Variants in DAB1 observed in about 807,000 individuals in gnomAD.
DAB1 encodes DAB adaptor protein 1.
DAB1 carries 15 observed loss-of-function variants against 64.6 expected under a neutral mutation model. The ratio of observed to expected loss-of-function variants is 0.23; its 90% CI spans 0.16 to 0.36. DAB1 has a LOEUF of 0.36. Among genes scored for constraint, DAB1 ranks in the 10% least tolerant of loss-of-function variants. The pLI, the probability that DAB1 is intolerant of heterozygous loss-of-function variation, is 1.00. For missense variants in DAB1, 596 were observed against 706.7 expected, an observed-to-expected ratio of 0.84 and a Z score of 1.78; for synonymous variants, 235 against 251.9, an observed-to-expected ratio of 0.93 and a Z score of 0.64.
downstream of DAB1, among the ~76,000 whole-genome samples, chr1:57,825,142 A>G (rs1304942836): frequency 6.6e-6 from 1 of 152,216 alleles, no homozygotes; most frequent in Non-Finnish European, 1.5e-5. Flanking sequence ...TTATGCTAAC[A>G]TAGTCAACTT....
chr1:57,634,953 G>C (rs986143971), intron 7 of DAB1, among the ~76,000 whole-genome samples: 3 of 152,200 alleles, frequency 2.0e-5, no homozygotes, highest in African/African-American at 4.8e-5. Flanking sequence ...GAGATCTGAA[G>C]GTTATAAGGG....
intron 1 of DAB1, among the ~76,000 whole-genome samples, chr1:57,350,549 A>G (rs1001827426): frequency 6.6e-6 from 1 of 152,068 alleles, no homozygotes; most frequent in African/African-American, 2.4e-5. Flanking sequence ...CTGTATTTAG[A>G]TCCACTTTGC....
Position 57,610,617 on chromosome 1 carries a change from T to C in DAB1, n.625+38975A>G, listed in dbSNP as rs187257228. Among the ~76,000 whole-genome samples, 540 of 152,320 alleles carry C rather than the reference T, an allele frequency of 3.5e-3. 1 individual carries two copies. The highest frequency in any genetic ancestry group is 5.1e-3 in the Non-Finnish European group (346 of 68,024). ...AGAAAAGAGGTTTAATTGACTCACA[T>C]GGCTGGGAAGGCCTCAGGAAACTTA... On this transcript the variant is annotated intron_variant and non_coding_transcript_variant, in intron 7 of 20. Coordinates refer to the DAB1 transcript ENST00000485760.
intron 2 of DAB1, among the ~76,000 whole-genome samples, chr1:57,197,626 T>C (rs752204664): frequency 6.6e-6 from 1 of 152,208 alleles, no homozygotes; most frequent in African/African-American, 2.4e-5. Context: ...CAGATTTTAG[T>C]GCCAGATTCA....
At chr1:58,415,283 C>T (rs1294281265) in intron 3 of DAB1, 2 of 159,234 alleles carry the variant, frequency 1.3e-5, no homozygotes, top group African/African-American at 4.8e-5. Context: ...GCCTCCAGAA[C>T]TGTGAGAAAT....
At chr1:57,514,535 G>C (rs1247271664) in intron 7 of DAB1, among the ~76,000 whole-genome samples, 1 of 152,196 alleles carries the variant, frequency 6.6e-6, no homozygotes, top group African/African-American at 2.4e-5. Context: ...TCACTGATAT[G>C]TATCTAGAGC....
At chr1:57,710,632 T>A (rs977664060) in intron 6 of DAB1, among the ~76,000 whole-genome samples, 8 of 152,068 alleles carry the variant, frequency 5.3e-5, no homozygotes, top group African/African-American at 1.9e-4. Context: ...GTCACTATTT[T>A]AATTTGCTGT....
At chr1:57,977,339 T>C (rs1481977111) in intron 5 of DAB1, among the ~76,000 whole-genome samples, 1 of 152,208 alleles carries the variant, frequency 6.6e-6, no homozygotes, top group Non-Finnish European at 1.5e-5. Flanking sequence ...CAGATCACCC[T>C]GATTAATCCC....
chr1:58,169,123 G>T (rs1656021018), intron 4 of DAB1, among the ~76,000 whole-genome samples: 1 of 152,202 alleles, frequency 6.6e-6, no homozygotes, highest in Non-Finnish European at 1.5e-5. Flanking sequence ...TGGGCCAGAG[G>T]TGTTTCTGCT....
intron 4 of DAB1, among the ~76,000 whole-genome samples, chr1:58,311,539 G>A (rs1662427960): frequency 6.6e-6 from 1 of 152,144 alleles, no homozygotes; most frequent in South Asian, 2.1e-4. Context: ...AGCATGATGG[G>A]GATATAGGGC....
chr1:58,134,411 C>T (rs1342712384), intron 5 of DAB1, among the ~76,000 whole-genome samples: 1 of 152,170 alleles, frequency 6.6e-6, no homozygotes, highest in Non-Finnish European at 1.5e-5. Context: ...TCAAAGGCCC[C>T]ACCTCTTAAT....
intron 11 of DAB1, among the ~76,000 whole-genome samples, chr1:57,022,560 C>G (rs968679644): frequency 2.0e-5 from 3 of 152,182 alleles, no homozygotes; most frequent in African/African-American, 7.2e-5. Flanking sequence ...TATTTTAGAA[C>G]AGGGTATGCA....
chr1:57,330,657 G>T (rs1430759245), intron 1 of DAB1, among the ~76,000 whole-genome samples: 2 of 152,164 alleles, frequency 1.3e-5, no homozygotes, highest in South Asian at 2.1e-4. Flanking sequence ...GACGTGATGT[G>T]CTTCTTGAGA....
At chr1:57,638,328 A>C (rs1646084600) in intron 7 of DAB1, among the ~76,000 whole-genome samples, 1 of 152,180 alleles carries the variant, frequency 6.6e-6, no homozygotes, top group Non-Finnish European at 1.5e-5. Context: ...GGAGATAAAA[A>C]TCAGTGTTTA....
intron 1 of DAB1, among the ~76,000 whole-genome samples, chr1:57,876,994 C>T (rs1257493792): frequency 6.6e-6 from 1 of 151,942 alleles, no homozygotes; most frequent in Admixed American, 6.6e-5. Flanking sequence ...AAAGTGCACC[C>T]CTCCAAACTT....
chr1:57,114,755 A>C (rs929079107), intron 4 of DAB1, among the ~76,000 whole-genome samples: 1 of 152,182 alleles, frequency 6.6e-6, no homozygotes, highest in Non-Finnish European at 1.5e-5. Flanking sequence ...ATTAAAAAGA[A>C]GTTGAGAACC....
At chr1:57,190,652 G>A (rs1042096561) in intron 2 of DAB1, among the ~76,000 whole-genome samples, 2 of 151,984 alleles carry the variant, frequency 1.3e-5, no homozygotes, top group African/African-American at 2.4e-5. Flanking sequence ...ACTTCCACAC[G>A]TCTTTATTGC....
At chr1:57,367,961 C>T (rs1390015345) in intron 1 of DAB1, among the ~76,000 whole-genome samples, 1 of 152,238 alleles carries the variant, frequency 6.6e-6, no homozygotes, top group Non-Finnish European at 1.5e-5. Flanking sequence ...CAGCTGTGGA[C>T]CCAGGCATCC....
chr1:58,260,614 T>G (rs547866539), intron 4 of DAB1, among the ~76,000 whole-genome samples: 52 of 152,314 alleles, frequency 3.4e-4, no homozygotes, highest in Admixed American at 1.9e-3. Flanking sequence ...GCACACTCAG[T>G]CCAGCCAAAC....
Sources: gnomAD v4.1 joint callset for allele counts (sites outside exome capture counted in the v4.1 genomes callset) on GRCh38, gnomAD v4.1.1 for gene constraint, MANE v1.5 for transcripts, NCBI Gene and HGNC (gene_info 2026-07-23, HGNC 2026-07-21) for gene names.